The following BABAM2 variants were observed in gnomAD, a reference collection of about 807,000 sequenced individuals.
BABAM2 encodes the protein BRISC and BRCA1 A complex member 2.
Under a neutral mutation model 54.7 loss-of-function variants are expected in BABAM2, and 31 were observed. The ratio of observed to expected loss-of-function variants is 0.57; its 90% confidence interval spans 0.43 to 0.77. The LOEUF is 0.77. BABAM2 is among the 30% of genes least tolerant of loss of function. The pLI is 0.00. For synonymous variants in BABAM2, 167 were observed against 162.9 expected (o/e 1.03, Z -0.19); for missense variants, 364 against 455.8 (o/e 0.80, Z 1.83).
At chr2:28,184,176 A>G (rs1328174745) in intron 7 of BABAM2, among the ~76,000 whole-genome samples, 1 of 151,766 alleles carries the variant, frequency 6.6e-6, no homozygotes, top group Admixed American at 6.6e-5. Flanking sequence ...ATCAAGAACT[A>G]GGACTGCCTC....
At chr2:27,997,090 TAATC>T (rs947618370) in intron 4 of BABAM2, among the ~76,000 whole-genome samples, 8 of 152,128 alleles carry the variant, frequency 5.3e-5, no homozygotes, top group East Asian at 3.8e-4. Flanking sequence ...TTAATAAAAT[TAATC>T]AATAATTAAT....
intron 3 of BABAM2, among the ~76,000 whole-genome samples, chr2:27,946,316 G>A (rs1440714685): frequency 2.0e-5 from 3 of 152,124 alleles, no homozygotes; most frequent in Non-Finnish European, 2.9e-5. Context: ...ATTTTCAAAT[G>A]TTGAACCACT....
At chr2:28,291,793 T>C (rs1687307052) in intron 10 of BABAM2, among the ~76,000 whole-genome samples, 1 of 152,228 alleles carries the variant, frequency 6.6e-6, no homozygotes, top group Non-Finnish European at 1.5e-5. Flanking sequence ...TTTATATTTC[T>C]TGTAGGTGAG....
intron 7 of BABAM2, among the ~76,000 whole-genome samples, chr2:28,176,284 C>G (rs1244417736): frequency 3.3e-5 from 5 of 151,926 alleles, no homozygotes; most frequent in African/African-American, 1.2e-4. Context: ...TAAAGAAGCT[C>G]ACTGGCCAGG....
intron 2 of BABAM2, among the ~76,000 whole-genome samples, chr2:27,900,017 A>G (rs1016819248): frequency 6.6e-6 from 1 of 152,198 alleles, no homozygotes; most frequent in Admixed American, 6.5e-5. Context: ...CAATCCTTCC[A>G]TCAGCCGAAG....
intron 2 of BABAM2, among the ~76,000 whole-genome samples, chr2:27,904,785 C>G (rs1394708934): frequency 6.6e-6 from 1 of 152,204 alleles, no homozygotes; most frequent in African/African-American, 2.4e-5. Flanking sequence ...TAAAACTAGA[C>G]ATTTTCAGAC....
intron 7 of BABAM2, among the ~76,000 whole-genome samples, chr2:28,235,317 C>T (rs1027867279): frequency 1.3e-5 from 2 of 151,988 alleles, no homozygotes; most frequent in Non-Finnish European, 2.9e-5. Flanking sequence ...GCTGGGATTA[C>T]AGGCGCATGC....
intron 10 of BABAM2, among the ~76,000 whole-genome samples, chr2:28,278,524 A>G (rs1686065331): frequency 6.6e-6 from 1 of 152,060 alleles, no homozygotes; most frequent in African/African-American, 2.4e-5. Flanking sequence ...GGAAATTTTA[A>G]GAGTACCAGA....
chr2:28,138,520 A>G (rs1046745715), intron 7 of BABAM2, among the ~76,000 whole-genome samples: 1 of 152,170 alleles, frequency 6.6e-6, no homozygotes, highest in Admixed American at 6.5e-5. Context: ...CCTAAACCTC[A>G]TTTAAGGATC....
At chr2:27,929,032 A>G (rs1376708047) in intron 2 of BABAM2, among the ~76,000 whole-genome samples, 1 of 145,884 alleles carries the variant, frequency 6.9e-6, no homozygotes, top group Non-Finnish European at 1.5e-5. Flanking sequence ...CCTGGGTAAC[A>G]TAGTGAGACC....
intron 11 of BABAM2, among the ~76,000 whole-genome samples, chr2:28,328,677 C>T (rs1690688156): frequency 1.3e-5 from 2 of 152,204 alleles, no homozygotes; most frequent in Admixed American, 6.5e-5. Context: ...CACAGGGTCT[C>T]GTCCACGGGG....
intron 7 of BABAM2, among the ~76,000 whole-genome samples, chr2:28,186,630 G>A (rs1676311136): frequency 1.3e-5 from 2 of 151,750 alleles, no homozygotes; most frequent in Admixed American, 6.6e-5. Flanking sequence ...ACAGAGAGAG[G>A]GGAGAAAGAG....
At chr2:28,046,260 G>T (rs535913702) in intron 6 of BABAM2, among the ~76,000 whole-genome samples, 30 of 152,234 alleles carry the variant, frequency 2.0e-4, no homozygotes, top group Admixed American at 7.2e-4. Context: ...TTTGAGACCA[G>T]CCTGGCCAAC....
At chr2:28,215,033 C>T (rs1679807263) in intron 7 of BABAM2, among the ~76,000 whole-genome samples, 1 of 152,096 alleles carries the variant, frequency 6.6e-6, no homozygotes, top group African/African-American at 2.4e-5. Context: ...ATACTGCTAA[C>T]TAGACTAGAC....
In BABAM2 at chr2:28,025,298, C is replaced by T. The variant is rs1675566375; in HGVS notation, c.373C>T (p.His125Tyr). The change falls in exon 5 of 12, where the codon CAC (histidine) becomes TAC (tyrosine). Residue 125 changes from histidine to tyrosine, a missense_variant. By Grantham distance (83) the His-to-Tyr change is moderately conservative. Transcript: ENST00000379624. Reference protein sequence around the residue: ...LVVKELVQQYHQFQCSRLRES... With the variant: ...LVVKELVQQYYQFQCSRLRES... ...GGTGAAGGAACTTGTGCAACAATATCACCAATTCCAATGTAGCCGCCTCCG... is the reference window on the plus strand; with the variant it reads ...GGTGAAGGAACTTGTGCAACAATATTACCAATTCCAATGTAGCCGCCTCCG... The T allele has an allele frequency of 6.2e-7, 1 of 1,612,776 alleles. No homozygotes were observed. The highest frequency in any genetic ancestry group is 1.1e-5 in the South Asian group (1 of 90,786).
At chr2:27,894,291 G>C (rs528404564) in intron 1 of BABAM2, among the ~76,000 whole-genome samples, 1 of 152,120 alleles carries the variant, frequency 6.6e-6, no homozygotes, top group East Asian at 1.9e-4. Flanking sequence ...AAGGAAAAGG[G>C]AATTGTATTT....
Position 28,298,399 on chromosome 2 carries a change from C to G in BABAM2, c.996C>G (p.His332Gln). The change falls in exon 11 of 12, where the codon CAC becomes CAG. Residue 332 changes from histidine to glutamine, a missense_variant. Physicochemically the swap from His to Gln is conservative, Grantham distance 24. Coordinates refer to ENST00000379624, the MANE Select transcript of BABAM2 (RefSeq NM_199191.3). ...QPTLTFQSVYHFTNSGQLYSQ... is the reference protein window; with the variant it reads ...QPTLTFQSVYQFTNSGQLYSQ... ...CTCTCACATTTCAGTCCGTTTATCACTTTACCAACAGTGGACAGCTTTACT... is the reference window on the plus strand; with the variant it reads ...CTCTCACATTTCAGTCCGTTTATCAGTTTACCAACAGTGGACAGCTTTACT... 2 of 1,614,194 alleles carry G rather than the reference C, an allele frequency of 1.2e-6. No individual in the cohort carries two copies. Among genetic ancestry groups the G allele is most frequent in the Non-Finnish European group, 1.7e-6 (2 of 1,180,016 alleles).
intron 3 of BABAM2, among the ~76,000 whole-genome samples, chr2:27,952,379 G>C (rs1669796402): frequency 6.6e-6 from 1 of 152,162 alleles, no homozygotes; most frequent in Non-Finnish European, 1.5e-5. Flanking sequence ...ATTTCAGAGT[G>C]ATTCCCTTTT....
intron 10 of BABAM2, among the ~76,000 whole-genome samples, chr2:28,273,142 GC>G (rs1685569547): frequency 6.6e-6 from 1 of 152,194 alleles, no homozygotes; most frequent in African/African-American, 2.4e-5. Context: ...GCTCCATCCA[GC>G]TTTTAATGGC....
Sources: gnomAD v4.1 joint callset for allele counts (sites outside exome capture counted in the v4.1 genomes callset) on GRCh38, gnomAD v4.1.1 for gene constraint, MANE v1.5 for transcripts, NCBI Gene and HGNC (gene_info 2026-07-23, HGNC 2026-07-21) for gene names.